The following SERGEF variants were observed in gnomAD, a reference collection of about 807,000 sequenced individuals.
The protein encoded by SERGEF is secretion regulating guanine nucleotide exchange factor.
Under a neutral mutation model 50.0 loss-of-function variants are expected in SERGEF, and 51 were observed. The observed-to-expected ratio is 1.02, with a 90% CI of 0.81 to 1.29. The LOEUF is 1.29. Ranked by LOEUF, SERGEF falls within the 50% of genes most tolerant of loss-of-function variation. The probability of loss-of-function intolerance (pLI) is 0.00; values close to 1 mark genes in which losing one functional copy is unlikely to be tolerated. For missense variants in SERGEF, 521 were observed against 557.0 expected (o/e 0.94, Z 0.65); for synonymous variants, 205 against 212.4 (o/e 0.97, Z 0.30).
chr11:17,935,159 T>TTAAAA (rs561173728), intron 9 of SERGEF, among the ~76,000 whole-genome samples: 1,570 of 152,256 alleles, frequency 0.01, 16 homozygotes, highest in Non-Finnish European at 0.016. Context: ...GCATACAATT[T>TTAAAA]TAAAATAAAA....
At chr11:17,798,929 G>A (rs1849615460) in intron 10 of SERGEF, among the ~76,000 whole-genome samples, 1 of 152,216 alleles carries the variant, frequency 6.6e-6, no homozygotes, top group Non-Finnish European at 1.5e-5. Context: ...CAAGAGTGAG[G>A]CTGTGGACCA....
chr11:17,859,332 A>G (rs548369743), intron 10 of SERGEF, among the ~76,000 whole-genome samples: 6 of 152,258 alleles, frequency 3.9e-5, no homozygotes, highest in African/African-American at 1.4e-4. Context: ...AATTAAAAAT[A>G]ATAGCTGAAT....
At chr11:17,904,611 T>C (rs922630408) in intron 9 of SERGEF, among the ~76,000 whole-genome samples, 1 of 152,228 alleles carries the variant, frequency 6.6e-6, no homozygotes, top group African/African-American at 2.4e-5. Flanking sequence ...AATGGAAATT[T>C]ATATGACTAT....
intron 9 of SERGEF, among the ~76,000 whole-genome samples, chr11:17,890,770 G>A (rs1851518104): frequency 1.3e-5 from 2 of 152,120 alleles, no homozygotes; most frequent in South Asian, 4.1e-4. Flanking sequence ...TATTCTTGGA[G>A]AAATGGCTGA....
At chr11:17,848,568 G>A (rs1261665095) in intron 10 of SERGEF, among the ~76,000 whole-genome samples, 1 of 152,100 alleles carries the variant, frequency 6.6e-6, no homozygotes, top group Non-Finnish European at 1.5e-5. Flanking sequence ...TTTCATATGT[G>A]CCTTTTTGTT....
At chr11:17,940,997 A>C (rs1454566387) in intron 9 of SERGEF, among the ~76,000 whole-genome samples, 1 of 152,210 alleles carries the variant, frequency 6.6e-6, no homozygotes, top group Non-Finnish European at 1.5e-5. Flanking sequence ...CATACAGAAA[A>C]GCTTAAACAT....
intron 9 of SERGEF, among the ~76,000 whole-genome samples, chr11:17,882,550 T>C (rs948999373): frequency 3.9e-5 from 6 of 152,172 alleles, no homozygotes; most frequent in African/African-American, 1.4e-4. Flanking sequence ...TCATGGCCCT[T>C]ATCCCACTAT....
chr11:17,841,811 T>A (rs1850508081), intron 10 of SERGEF, among the ~76,000 whole-genome samples: 1 of 152,212 alleles, frequency 6.6e-6, no homozygotes, highest in Non-Finnish European at 1.5e-5. Flanking sequence ...CCTTCTCACT[T>A]CTTTGAAAGC....
chr11:17,996,469 A>G (rs528025239), intron 5 of SERGEF, among the ~76,000 whole-genome samples: 4 of 152,338 alleles, frequency 2.6e-5, no homozygotes, highest in Admixed American at 2.6e-4. Flanking sequence ...CATATTTATG[A>G]CTGCAAGATA....
chr11:17,889,847 T>G (rs187503766), intron 9 of SERGEF, among the ~76,000 whole-genome samples: 199 of 152,246 alleles, frequency 1.3e-3, no homozygotes, highest in African/African-American at 4.6e-3. Flanking sequence ...AATAAAAAGT[T>G]AAGCAAAATT....
intron 9 of SERGEF, among the ~76,000 whole-genome samples, chr11:17,887,984 C>T (rs1382145573): frequency 6.6e-6 from 1 of 152,176 alleles, no homozygotes; most frequent in Non-Finnish European, 1.5e-5. Context: ...CTCACATTAC[C>T]ATCTGAGCTC....
At chr11:17,904,774 G>T (rs1352644049) in intron 9 of SERGEF, among the ~76,000 whole-genome samples, 2 of 152,102 alleles carry the variant, frequency 1.3e-5, no homozygotes, top group South Asian at 2.1e-4. Context: ...TTATTTAGAG[G>T]CATTTAAAAC....
rs55967425 is a variant in SERGEF, at chr11:17,830,649, GGAGAGA to G, written c.1049-42242_1049-42237del. Among the ~76,000 whole-genome samples the G allele has an allele frequency of 1.7e-3, 132 of 77,748 alleles. 2 individuals carry two copies. Among genetic ancestry groups the G allele is most frequent in the South Asian group, 8.6e-3 (12 of 1,388 alleles). The allele number at this position is 77,748 out of a possible 152,430, so 51.0% of individuals were successfully genotyped here. A position where few individuals can be genotyped will look rare whatever the true frequency, so the allele number is the denominator to read the frequency against. ...GAGGGAAAGGGGGAGGGAGAGGGAG[GGAGAGA>G]GAGAGAGAGAGAGAGAGAGAGAGAG... On this transcript the variant is annotated intron_variant, in intron 10 of 10. Transcript: ENST00000265965.
At chr11:17,878,391 G>T in intron 9 of SERGEF, 147 bp from the exon 10 acceptor site, 1 of 607,594 alleles carries the variant, frequency 1.6e-6, no homozygotes, top group South Asian at 2.1e-5. Flanking sequence ...CAAAAGTTAA[G>T]ATTATAATTA....
intron 9 of SERGEF, among the ~76,000 whole-genome samples, chr11:17,898,138 A>G (rs1485708372): frequency 1.3e-5 from 2 of 152,232 alleles, no homozygotes; most frequent in Non-Finnish European, 2.9e-5. Flanking sequence ...GTAGGCAGCA[A>G]TGGTGACTGA....
intron 10 of SERGEF, among the ~76,000 whole-genome samples, chr11:17,841,013 A>C (rs1850491809): frequency 6.6e-6 from 1 of 152,248 alleles, no homozygotes; most frequent in Admixed American, 6.5e-5. Context: ...CTAAAGCAGC[A>C]GAGTCTCTCC....
At chr11:17,869,972 C>A (rs1191531213) in intron 10 of SERGEF, among the ~76,000 whole-genome samples, 1 of 152,126 alleles carries the variant, frequency 6.6e-6, no homozygotes, top group East Asian at 1.9e-4. Context: ...ACCCATAATC[C>A]CCACATGTCA....
intron 5 of SERGEF, among the ~76,000 whole-genome samples, chr11:17,997,968 T>C (rs2134005283): frequency 6.6e-6 from 1 of 152,286 alleles, no homozygotes; most frequent in Middle Eastern, 3.4e-3. Flanking sequence ...GGTGATTGCA[T>C]AATGATATGA....
chr11:17,813,779 A>G (rs1304353709), intron 10 of SERGEF, among the ~76,000 whole-genome samples: 1 of 152,262 alleles, frequency 6.6e-6, no homozygotes, highest in African/African-American at 2.4e-5. Flanking sequence ...ACATTAGAGA[A>G]GCAGATTGAA....
Sources: allele counts gnomAD v4.1 joint callset (sites outside exome capture counted in the v4.1 genomes callset), GRCh38; gene constraint gnomAD v4.1.1; transcripts MANE v1.5; gene names NCBI Gene and HGNC (gene_info 2026-07-23, HGNC 2026-07-21).